Variants in LYN observed in about 807,000 individuals in gnomAD.
LYN encodes the protein LYN proto-oncogene, Src family tyrosine kinase, also known as tyrosine-protein kinase Lyn.
Under a neutral mutation model 65.0 loss-of-function variants are expected in LYN, and 12 were observed. That is an observed-to-expected ratio of 0.18 (90% CI 0.12 to 0.30). The LOEUF is 0.30. Among genes scored for constraint, LYN ranks in the 10% least tolerant of loss-of-function variants. LYN has a pLI of 1.00. For missense variants in LYN, 380 were observed against 623.2 expected (o/e 0.61, Z 4.16); for synonymous variants, 222 against 221.2 (o/e 1.00, Z -0.03).
intron 1 of LYN, among the ~76,000 whole-genome samples, chr8:55,896,493 G>A (rs556364493): frequency 7.2e-5 from 11 of 152,000 alleles, no homozygotes; most frequent in African/African-American, 1.7e-4. Context: ...ATCACACACC[G>A]GGGCCTGTCG....
At chr8:55,983,894 A>G (rs920363316) in intron 10 of LYN, among the ~76,000 whole-genome samples, 1 of 152,318 alleles carries the variant, frequency 6.6e-6, no homozygotes, top group Middle Eastern at 3.4e-3. Context: ...CGCTTAAAAC[A>G]ATAGAAATGT....
Position 55,972,805 on chromosome 8 carries a change from C to A in LYN, c.1050+3012C>A, listed in dbSNP as rs565862154. Among the ~76,000 whole-genome samples, 32 of 152,304 alleles carry A rather than the reference C, an allele frequency of 2.1e-4. No individual in the cohort carries two copies. In the South Asian group the frequency reaches 5.2e-3, roughly 25 times the overall value. On this transcript the variant is annotated intron_variant, in intron 10 of 12. Transcript: ENST00000519728. The stretch of plus-strand genomic sequence containing the variant: ...TCCAACCTTTTCTATACCTTCCCCC[C>A]ACTTTACTATTTAGGGTGGAAATTT...
At chr8:55,906,765 A>T (rs1270207730) in intron 1 of LYN, among the ~76,000 whole-genome samples, 1 of 152,078 alleles carries the variant, frequency 6.6e-6, no homozygotes, top group African/African-American at 2.4e-5. Flanking sequence ...GAGAGAAATA[A>T]ATGAAATGTA....
In LYN at chr8:56,010,571, T is replaced by TAA; in HGVS notation, c.*461_*462insAA. On this transcript the variant is annotated 3_prime_UTR_variant, in exon 13 of 13. Transcript: ENST00000519728. ...TTTCTTTGTGCTTTGGCTTACTTGT[T>TAA]TAAAAAAAAAAAAAAACTAATCCAA... The TAA allele has an allele frequency of 4.4e-6, 1 of 228,266 alleles. No individual in the cohort carries two copies. The highest frequency in any genetic ancestry group is 6.3e-5 in the East Asian group (1 of 15,936). The allele number at this position is 228,266 out of a possible 1,614,324, so 14.1% of individuals were successfully genotyped here. A position where few individuals can be genotyped will look rare whatever the true frequency, so the allele number is the denominator to read the frequency against.
chr8:55,948,280 C>G (rs976786453), intron 4 of LYN, among the ~76,000 whole-genome samples: 7 of 152,158 alleles, frequency 4.6e-5, no homozygotes, highest in African/African-American at 1.7e-4. Context: ...AGCCTGGTTT[C>G]TTTCTTTATC....
intron 1 of LYN, among the ~76,000 whole-genome samples, chr8:55,932,157 A>C (rs1806289085): frequency 6.6e-6 from 1 of 152,184 alleles, no homozygotes; most frequent in African/African-American, 2.4e-5. Flanking sequence ...AAAGAAGCAG[A>C]AGACTTGAAT....
chr8:55,918,421 C>G (rs745975290), intron 1 of LYN, among the ~76,000 whole-genome samples: 9 of 152,194 alleles, frequency 5.9e-5, no homozygotes, highest in Non-Finnish European at 1.2e-4. Flanking sequence ...GCTATGGAGC[C>G]GGGACATTTG....
chr8:55,966,830 C>G lies in LYN; in HGVS notation c.906C>G (p.Leu302=), dbSNP rs763388666. The G allele has an allele frequency of 2.5e-6, 4 of 1,614,108 alleles. No homozygotes were observed. Among genetic ancestry groups the G allele is most frequent in the Non-Finnish European group, 3.4e-6 (4 of 1,179,988 alleles). ...NLMKTLQHDK[L]VRLYAVVTRE... ...TGAAGACCCTGCAGCATGACAAGCT[C>G]GTGAGGCTCTACGCTGTGGTCACCA... Residue 302 remains leucine (L), a synonymous_variant, in exon 9 of 13, where the codon CTC becomes CTG. Transcript: ENST00000519728.
chr8:55,996,947 C>T (rs555880885), intron 10 of LYN, among the ~76,000 whole-genome samples: 2 of 151,896 alleles, frequency 1.3e-5, no homozygotes, highest in East Asian at 3.9e-4. Context: ...CTGATGAAAC[C>T]CCATCTCTAC....
Position 56,010,301 on chromosome 8 carries a change from C to G in LYN, c.*191C>G. ...AGTATTCTGTACTCTTAGATGGATTCTCCACTCAGTTGCAACTTGGACTTG... is the reference window on the plus strand; with the variant it reads ...AGTATTCTGTACTCTTAGATGGATTGTCCACTCAGTTGCAACTTGGACTTG... On this transcript the variant is annotated 3_prime_UTR_variant, in exon 13 of 13. Transcript: ENST00000519728. 1 of 578,820 alleles carries G rather than the reference C, an allele frequency of 1.7e-6. No individual in the cohort carries two copies. Among genetic ancestry groups the G allele is most frequent in the Non-Finnish European group, 3.0e-6 (1 of 329,908 alleles). The allele number at this position is 578,820 out of a possible 1,614,324, so 35.9% of individuals were successfully genotyped here. A position where few individuals can be genotyped will look rare whatever the true frequency, so the allele number is the denominator to read the frequency against.
Position 56,012,966 on chromosome 8 carries a change from A to T in LYN, c.*2856A>T, listed in dbSNP as rs1403511784. The T allele has an allele frequency of 6.6e-6, 1 of 152,182 alleles. No homozygotes were observed. The highest frequency in any genetic ancestry group is 1.9e-4 in the East Asian group (1 of 5,190). 9.4% of individuals were successfully genotyped at this position (152,182 alleles called of 1,614,324 possible). On this transcript the variant is annotated 3_prime_UTR_variant, in exon 13 of 13. Transcript: ENST00000519728. Reference sequence around the variant, plus strand: ...GCTAGAAACCAGTGTCCTTAGTAGTAGGGGCCACCTGGGGCTTCCGTGGCT... The same window carrying T: ...GCTAGAAACCAGTGTCCTTAGTAGTTGGGGCCACCTGGGGCTTCCGTGGCT...
At chr8:55,964,524 A>G (rs1807388913) in intron 8 of LYN, among the ~76,000 whole-genome samples, 1 of 152,234 alleles carries the variant, frequency 6.6e-6, no homozygotes, top group African/African-American at 2.4e-5. Flanking sequence ...AGGCTTGGAA[A>G]TAGATGTATA....
At chr8:55,904,578 A>C (rs1391771388) in intron 1 of LYN, among the ~76,000 whole-genome samples, 1 of 152,206 alleles carries the variant, frequency 6.6e-6, no homozygotes, top group East Asian at 1.9e-4. Context: ...CCTGCAGATC[A>C]TGCACCTATA....
At chr8:55,950,934 G>T in intron 6 of LYN, 150 bp downstream of exon 6, 1 of 627,470 alleles carries the variant, frequency 1.6e-6, no homozygotes, top group East Asian at 2.8e-5. Context: ...AAACCTCAGT[G>T]ATTAGTTGTG....
intron 4 of LYN, among the ~76,000 whole-genome samples, chr8:55,949,814 T>A (rs1806890985): frequency 6.6e-6 from 1 of 152,190 alleles, no homozygotes; most frequent in South Asian, 2.1e-4. Flanking sequence ...AGTGTACAAT[T>A]CAGTGATTTT....
chr8:55,950,181 T>G (rs1806900659), intron 4 of LYN, among the ~76,000 whole-genome samples: 1 of 152,228 alleles, frequency 6.6e-6, no homozygotes, highest in South Asian at 2.1e-4. Context: ...GATAGGCATT[T>G]TGGTTGTTTC....
chr8:55,935,483 T>G (rs1249335572), intron 1 of LYN, among the ~76,000 whole-genome samples: 11 of 151,948 alleles, frequency 7.2e-5, no homozygotes, highest in Admixed American at 4.6e-4. Flanking sequence ...CTTTTAAAAG[T>G]GATTTAGGTG....
chr8:55,977,861 G>A (rs1477983607), intron 10 of LYN, among the ~76,000 whole-genome samples: 3 of 152,022 alleles, frequency 2.0e-5, no homozygotes, highest in Non-Finnish European at 4.4e-5. Flanking sequence ...TGAGGCTCAA[G>A]TGAGCTATGA....
chr8:55,905,818 AGG>A (rs1316818310), intron 1 of LYN, among the ~76,000 whole-genome samples: 1 of 152,152 alleles, frequency 6.6e-6, no homozygotes, highest in Non-Finnish European at 1.5e-5. Flanking sequence ...CCCTTGCTCC[AGG>A]GACTTCCCAT....
Sources: gnomAD v4.1 joint callset for allele counts (sites outside exome capture counted in the v4.1 genomes callset) on GRCh38, gnomAD v4.1.1 for gene constraint, MANE v1.5 for transcripts, NCBI Gene and HGNC (gene_info 2026-07-23, HGNC 2026-07-21) for gene names.